Variants in WWOX observed in about 807,000 individuals in gnomAD.
WWOX encodes WW domain-containing oxidoreductase.
A neutral mutation model predicts 46.2 loss-of-function variants in WWOX; 69 were observed. That is an observed-to-expected ratio of 1.49 (90% CI 1.23 to 1.82). The LOEUF (loss-of-function observed/expected upper bound fraction) is 1.82. WWOX is among the 40% of genes most tolerant of loss of function. WWOX has a pLI of 0.00. For synonymous variants in WWOX, 359 were observed against 202.6 expected (o/e 1.77, Z -6.56); for missense variants, 919 against 542.6 (o/e 1.69, Z -6.89).
At chr16:78,732,937 C>G (rs2049001083) in intron 8 of WWOX, among the ~76,000 whole-genome samples, 1 of 152,200 alleles carries the variant, frequency 6.6e-6, no homozygotes, top group African/African-American at 2.4e-5. Context: ...ATTCTGTTGT[C>G]ACAGCATTAC....
chr16:78,813,145 GAAA>G (rs567984689), intron 8 of WWOX, among the ~76,000 whole-genome samples: 3 of 148,702 alleles, frequency 2.0e-5, no homozygotes, highest in African/African-American at 7.4e-5. Context: ...TGTTTTTTAG[GAAA>G]AAAAAATTCA....
chr16:78,583,332 A>G (rs1431968376), intron 8 of WWOX, among the ~76,000 whole-genome samples: 1 of 152,180 alleles, frequency 6.6e-6, no homozygotes, highest in Non-Finnish European at 1.5e-5. Context: ...GCACTTCCAG[A>G]GTAATTCTGA....
chr16:78,761,012 G>C (rs1295484084), intron 8 of WWOX, among the ~76,000 whole-genome samples: 1 of 152,064 alleles, frequency 6.6e-6, no homozygotes, highest in Non-Finnish European at 1.5e-5. Flanking sequence ...GCACAGGAAA[G>C]ACCCTCCCCC....
At chr16:78,900,714 A>C (rs907758670) in intron 8 of WWOX, among the ~76,000 whole-genome samples, 1 of 152,238 alleles carries the variant, frequency 6.6e-6, no homozygotes, top group East Asian at 1.9e-4. Context: ...TTTTGAATCA[A>C]TGGAATCATA....
chr16:78,248,206 G>T (rs2037873108), intron 5 of WWOX, among the ~76,000 whole-genome samples: 2 of 152,122 alleles, frequency 1.3e-5, no homozygotes, highest in African/African-American at 4.8e-5. Flanking sequence ...TGGCTTCTGG[G>T]GAGGCCTCAG....
chr16:78,303,927 A>G (rs1458873076), intron 5 of WWOX, among the ~76,000 whole-genome samples: 2 of 152,190 alleles, frequency 1.3e-5, no homozygotes, highest in Non-Finnish European at 2.9e-5. Context: ...GCCGTCAGCT[A>G]TTGCTTTTGA....
At chr16:78,445,722 A>C (rs1184090919) in intron 8 of WWOX, among the ~76,000 whole-genome samples, 1 of 152,156 alleles carries the variant, frequency 6.6e-6, no homozygotes, top group African/African-American at 2.4e-5. Context: ...CTAAAAATAC[A>C]AAAATATTAT....
At chr16:79,150,382 C>T (rs937988642) in intron 8 of WWOX, among the ~76,000 whole-genome samples, 26 of 152,166 alleles carry the variant, frequency 1.7e-4, no homozygotes, top group Admixed American at 6.5e-5. Context: ...TATAGCATAG[C>T]ATAGGGCAGT....
intron 6 of WWOX, among the ~76,000 whole-genome samples, chr16:78,409,151 A>G (rs964570161): frequency 2.4e-4 from 37 of 152,210 alleles, no homozygotes; most frequent in African/African-American, 8.7e-4. Flanking sequence ...CACTCCAGGT[A>G]GGATGTGATC....
chr16:78,310,852 C>T (rs762770919), intron 5 of WWOX, among the ~76,000 whole-genome samples: 3 of 152,208 alleles, frequency 2.0e-5, no homozygotes, highest in Non-Finnish European at 4.4e-5. Context: ...AAATGAGCCT[C>T]TGTAACGCAG....
intron 8 of WWOX, among the ~76,000 whole-genome samples, chr16:78,635,042 C>G (rs1247681483): frequency 1.3e-5 from 2 of 152,110 alleles, no homozygotes; most frequent in Non-Finnish European, 2.9e-5. Flanking sequence ...CTGACGGCTT[C>G]CCTGCGGGAC....
At chr16:78,479,452 C>G (rs1317057286) in intron 8 of WWOX, among the ~76,000 whole-genome samples, 1 of 152,114 alleles carries the variant, frequency 6.6e-6, no homozygotes, top group Non-Finnish European at 1.5e-5. Flanking sequence ...TTTATTTGGA[C>G]TTTATGATTT....
chr16:78,877,985 A>G (rs1364426167), intron 8 of WWOX, among the ~76,000 whole-genome samples: 1 of 152,206 alleles, frequency 6.6e-6, no homozygotes, highest in East Asian at 1.9e-4. Flanking sequence ...TACAGGTCAG[A>G]TGATTTTGTT....
chr16:79,211,733 C>T lies in WWOX; in HGVS notation c.1182C>T (p.Ala394=). Residue 394 remains alanine, a synonymous_variant, in exon 9 of 9, where the codon GCC becomes GCT. Transcript: ENST00000566780. ...PSPEAQSEET[A]RTLWALSERL... Reference sequence around the variant, plus strand: ...CAGAAGCTCAGAGCGAAGAGACGGCCCGGACCCTGTGGGCGCTCAGCGAGA... The same window carrying T: ...CAGAAGCTCAGAGCGAAGAGACGGCTCGGACCCTGTGGGCGCTCAGCGAGA... 3 of 1,614,216 alleles carry T rather than the reference C, an allele frequency of 1.9e-6. No individual in the cohort carries two copies. The highest frequency in any genetic ancestry group is 1.7e-5 in the Admixed American group (1 of 60,022).
intron 8 of WWOX, among the ~76,000 whole-genome samples, chr16:78,846,492 G>A (rs1051694369): frequency 2.4e-4 from 36 of 152,026 alleles, no homozygotes; most frequent in African/African-American, 6.5e-4. Context: ...TAGAATGCCC[G>A]TAATTTGGGT....
chr16:79,055,550 A>T (rs569322576), intron 8 of WWOX, among the ~76,000 whole-genome samples: 1 of 152,292 alleles, frequency 6.6e-6, no homozygotes, highest in African/African-American at 2.4e-5. Flanking sequence ...AGATACTGAA[A>T]ATCAGAAAGA....
intron 8 of WWOX, among the ~76,000 whole-genome samples, chr16:78,543,468 C>T (rs1277370760): frequency 6.6e-6 from 1 of 152,174 alleles, no homozygotes; most frequent in African/African-American, 2.4e-5. Context: ...GTGAACAGAG[C>T]AAAAGGGCAT....
intron 8 of WWOX, among the ~76,000 whole-genome samples, chr16:78,904,233 C>G (rs867710772): frequency 3.2e-4 from 43 of 133,848 alleles, no homozygotes; most frequent in Non-Finnish European, 1.1e-4. Context: ...CTTATAAATG[C>G]CTTTTTTTTT....
At chr16:78,606,330 A>T (rs562058163) in intron 8 of WWOX, among the ~76,000 whole-genome samples, 30 of 152,290 alleles carry the variant, frequency 2.0e-4, no homozygotes, top group African/African-American at 7.0e-4. Flanking sequence ...TCTCTTTTAT[A>T]AGAAGGATGC....
Sources: gnomAD v4.1 joint callset for allele counts (sites outside exome capture counted in the v4.1 genomes callset) on GRCh38, gnomAD v4.1.1 for gene constraint, MANE v1.5 for transcripts, NCBI Gene and HGNC (gene_info 2026-07-23, HGNC 2026-07-21) for gene names.